Variants in RBFOX1 observed in about 807,000 individuals in gnomAD.
RBFOX1 encodes RNA binding protein fox-1 homolog 1.
A neutral mutation model predicts 57.7 loss-of-function variants in RBFOX1; 8 were observed. The ratio of observed to expected loss-of-function variants is 0.14; its 90% CI spans 0.08 to 0.25. The LOEUF is 0.25. Ranked by LOEUF, RBFOX1 falls within the 10% of genes least tolerant of loss-of-function variation. RBFOX1 has a pLI of 1.00. For missense variants in RBFOX1, 611 were observed against 548.5 expected (o/e 1.11, Z -1.14); for synonymous variants, 326 against 222.4 (o/e 1.47, Z -4.15).
chr16:7,010,494 A>G (rs1198580242), intron 3 of RBFOX1, among the ~76,000 whole-genome samples: 1 of 151,564 alleles, frequency 6.6e-6, no homozygotes, highest in Non-Finnish European at 1.5e-5. Flanking sequence ...AGTGAAGGAG[A>G]TGTGGGTTGG....
chr16:7,704,078 C>G (rs560727196), intron 14 of RBFOX1, among the ~76,000 whole-genome samples: 1 of 152,148 alleles, frequency 6.6e-6, no homozygotes, highest in Non-Finnish European at 1.5e-5. Flanking sequence ...TACTGCTTTA[C>G]AAATGAGGAA....
chr16:7,096,610 G>T (rs1292083213), intron 4 of RBFOX1, among the ~76,000 whole-genome samples: 5 of 152,036 alleles, frequency 3.3e-5, no homozygotes, highest in South Asian at 2.1e-4. Flanking sequence ...TTTGCTGTTT[G>T]GATCTAGGAG....
intron 4 of RBFOX1, among the ~76,000 whole-genome samples, chr16:7,208,085 G>A (rs561105963): frequency 6.6e-6 from 1 of 152,206 alleles, no homozygotes; most frequent in African/African-American, 2.4e-5. Flanking sequence ...AGGGAAGCAA[G>A]AGCAACTTTG....
chr16:6,320,791 T>TTTA (rs908979629), intron 2 of RBFOX1, among the ~76,000 whole-genome samples: 1 of 151,950 alleles, frequency 6.6e-6, no homozygotes, highest in African/African-American at 2.4e-5. Flanking sequence ...AATTTGTTAC[T>TTTA]TTATTATTAT....
At chr16:6,671,133 C>G (rs903067382) in intron 3 of RBFOX1, among the ~76,000 whole-genome samples, 2 of 152,164 alleles carry the variant, frequency 1.3e-5, no homozygotes, top group Non-Finnish European at 2.9e-5. Context: ...CTCATTATTT[C>G]TTATTATTCC....
chr16:6,682,390 C>T (rs2058787063), intron 3 of RBFOX1, among the ~76,000 whole-genome samples: 1 of 151,622 alleles, frequency 6.6e-6, no homozygotes, highest in Non-Finnish European at 1.5e-5. Flanking sequence ...ATTGCCCCTT[C>T]TTGGGGAAAT....
At chr16:5,558,243 A>G (rs1455724915) in intron 2 of RBFOX1, among the ~76,000 whole-genome samples, 3 of 152,278 alleles carry the variant, frequency 2.0e-5, no homozygotes, top group African/African-American at 7.2e-5. Context: ...TGAGCTGATT[A>G]ACACACAAGC....
chr16:5,659,700 C>T (rs77285674), intron 3 of RBFOX1, among the ~76,000 whole-genome samples: 2,708 of 152,214 alleles, frequency 0.018, 74 homozygotes, highest in African/African-American at 0.062. Context: ...AAAAAAGTGA[C>T]ATGATTATTT....
At chr16:6,559,133 GTA>G (rs1491110618) in intron 2 of RBFOX1, among the ~76,000 whole-genome samples, 142 of 133,630 alleles carry the variant, frequency 1.1e-3, no homozygotes, top group South Asian at 2.6e-3. Context: ...GTGTGTGTGT[GTA>G]TATACATATG....
At chr16:6,954,026 G>A (rs2081284459) in intron 3 of RBFOX1, among the ~76,000 whole-genome samples, 1 of 152,118 alleles carries the variant, frequency 6.6e-6, no homozygotes. Flanking sequence ...ATTGAGCCAG[G>A]CGCATATACC....
chr16:5,925,098 C>A lies in RBFOX1; in HGVS notation c.351+57763C>A, dbSNP rs78290874. On this transcript the variant is annotated intron_variant, in intron 4 of 19. Transcript: ENST00000641259. ...CCACCCTCCCTGTTTCCACACCAAC[C>A]CTTGTCTCTCCTGATTATTGATCCT... 5.3e-5 allele frequency among the ~76,000 whole-genome samples: 8 copies of A among 152,154 alleles called. No homozygotes were observed. In the East Asian group the frequency reaches 1.5e-3, roughly 29 times the overall value.
chr16:7,228,873 C>T (rs572732141), intron 4 of RBFOX1, among the ~76,000 whole-genome samples: 1 of 152,146 alleles, frequency 6.6e-6, no homozygotes, highest in African/African-American at 2.4e-5. Flanking sequence ...TTTACAGATC[C>T]ACAGCTTCAC....
chr16:5,926,834 C>G (rs1558230), intron 4 of RBFOX1, among the ~76,000 whole-genome samples: 109,225 of 152,052 alleles, frequency 0.72, 39,437 homozygotes, highest in Middle Eastern at 0.81. Context: ...TTCCTTTCCT[C>G]CTACATTCTC....
At chr16:7,429,424 T>A (rs1381148857) in intron 4 of RBFOX1, among the ~76,000 whole-genome samples, 1 of 152,244 alleles carries the variant, frequency 6.6e-6, no homozygotes, top group East Asian at 1.9e-4. Flanking sequence ...TCAAAAGTGA[T>A]CCTGCCCAGC....
chr16:7,066,923 T>C lies in RBFOX1; in HGVS notation c.27+14825T>C, dbSNP rs964706742. Among the ~76,000 whole-genome samples the C allele has an allele frequency of 5.3e-5, 8 of 152,196 alleles. No individual in the cohort carries two copies. The South Asian group carries it at 1.2e-3, about 24-fold the overall frequency. On this transcript the variant is annotated intron_variant, in intron 4 of 15. Transcript: ENST00000550418. ...CATTTATTTTCTAAAAACAGATTAC[T>C]CATGTGGTAGTTTATATACCAAACT... is the stretch of plus-strand genomic sequence containing the variant.
chr16:6,084,096 G>A (rs2096051728), intron 1 of RBFOX1, among the ~76,000 whole-genome samples: 1 of 152,142 alleles, frequency 6.6e-6, no homozygotes, highest in Non-Finnish European at 1.5e-5. Flanking sequence ...AGGGGCCTGA[G>A]CTTTTCAATC....
rs575235024 is a variant in RBFOX1 at position 5,897,016 on chromosome 16, C to CTTTTTTTTTT, written c.351+29702_351+29711dup. 5.8e-3 allele frequency among the ~76,000 whole-genome samples: 326 copies of CTTTTTTTTTT among 56,460 alleles called. 50 individuals carry two copies. Among genetic ancestry groups the CTTTTTTTTTT allele is most frequent in the African/African-American group, 0.011 (138 of 13,004 alleles). The allele number at this position is 56,460 out of a possible 152,430, so 37.0% of individuals were successfully genotyped here. On this transcript the variant is annotated intron_variant, in intron 4 of 19. Coordinates refer to the RBFOX1 transcript ENST00000641259. Reference sequence around the variant, plus strand: ...CCCCCACTAAAAATGTATCCATCCGCTTTTTTTTTTTTTTTTTTTTTTTTT... The same window carrying CTTTTTTTTTT: ...CCCCCACTAAAAATGTATCCATCCGCTTTTTTTTTTTTTTTTTTTTTTTTTTTTTTTTTTT...
intron 4 of RBFOX1, among the ~76,000 whole-genome samples, chr16:7,363,365 G>A (rs1043415643): frequency 6.6e-6 from 1 of 152,140 alleles, no homozygotes; most frequent in Non-Finnish European, 1.5e-5. Flanking sequence ...TTCTGTCCAA[G>A]GGGGTAAAAC....
intron 1 of RBFOX1, among the ~76,000 whole-genome samples, chr16:5,442,336 C>T (rs986296179): frequency 6.6e-6 from 1 of 152,172 alleles, no homozygotes; most frequent in Non-Finnish European, 1.5e-5. Flanking sequence ...GGCCAGGCCA[C>T]AAGGCCAAGG....
Sources: allele counts gnomAD v4.1 joint callset (sites outside exome capture counted in the v4.1 genomes callset), GRCh38; gene constraint gnomAD v4.1.1; transcripts MANE v1.5; gene names NCBI Gene and HGNC (gene_info 2026-07-23, HGNC 2026-07-21).